Variants in SLC9A9 observed in about 807,000 individuals in gnomAD.
SLC9A9 encodes solute carrier family 9 member A9.
Under a neutral mutation model 77.8 loss-of-function variants are expected in SLC9A9, and 62 were observed. That is an observed-to-expected ratio of 0.80 (90% CI 0.65 to 0.98). SLC9A9 has a LOEUF of 0.98. SLC9A9 is among the 50% of genes least tolerant of loss of function. SLC9A9 has a pLI of 0.00. For synonymous variants in SLC9A9, 320 were observed against 283.5 expected (o/e 1.13, Z -1.29); for missense variants, 775 against 774.9 (o/e 1.00, Z 0.00).
intron 7 of SLC9A9, among the ~76,000 whole-genome samples, chr3:143,577,571 A>AATGAGTCTTAATGTAGAGC (rs2037381696): frequency 6.6e-6 from 1 of 152,074 alleles, no homozygotes; most frequent in Non-Finnish European, 1.5e-5. Context: ...CTCACTTTCT[A>AATGAGTCTTAATGTAGAGC]TCCCAGTCTT....
intron 12 of SLC9A9, among the ~76,000 whole-genome samples, chr3:143,455,295 A>G (rs1185449367): frequency 6.6e-6 from 1 of 152,180 alleles, no homozygotes; most frequent in Admixed American, 6.5e-5. Flanking sequence ...CCCTTTGTCA[A>G]TATCACATTT....
intron 15 of SLC9A9, among the ~76,000 whole-genome samples, chr3:143,268,625 C>T (rs1311624464): frequency 1.4e-5 from 2 of 146,342 alleles, no homozygotes; most frequent in Non-Finnish European, 3.0e-5. Context: ...CCCAGCTACT[C>T]GGGAGGCCGA....
chr3:143,370,053 A>T (rs914169292), intron 13 of SLC9A9, among the ~76,000 whole-genome samples: 1 of 152,262 alleles, frequency 6.6e-6, no homozygotes. Context: ...AAGACCTTGC[A>T]TCAGAAACAC....
intron 4 of SLC9A9, among the ~76,000 whole-genome samples, chr3:143,767,376 A>ATGTGTGTGTGTGTGTGTGTGTG (rs142594079): frequency 7.0e-4 from 99 of 141,376 alleles, no homozygotes; most frequent in African/African-American, 2.3e-3. Context: ...GTGTCTGTGT[A>ATGTGTGTGTGTGTGTGTGTGTG]TGTGTGTGTG....
At chr3:143,511,386 T>G (rs982865979) in intron 9 of SLC9A9, among the ~76,000 whole-genome samples, 3 of 152,210 alleles carry the variant, frequency 2.0e-5, no homozygotes, top group African/African-American at 7.2e-5. Flanking sequence ...CTCTCAGTTA[T>G]GCAGTCCCTC....
chr3:143,835,639 A>C (rs1311486011), intron 1 of SLC9A9, among the ~76,000 whole-genome samples: 1 of 152,244 alleles, frequency 6.6e-6, no homozygotes, highest in African/African-American at 2.4e-5. Flanking sequence ...AATGTTAATG[A>C]GAGTAGGTTG....
At chr3:143,323,107 G>C (rs140926291) in intron 14 of SLC9A9, among the ~76,000 whole-genome samples, 83 of 152,284 alleles carry the variant, frequency 5.5e-4, no homozygotes, top group African/African-American at 1.9e-3. Context: ...GGAGAAACGG[G>C]AACTCTTATA....
intron 12 of SLC9A9, among the ~76,000 whole-genome samples, chr3:143,435,804 C>A (rs1297822492): frequency 6.6e-6 from 1 of 152,094 alleles, no homozygotes; most frequent in African/African-American, 2.4e-5. Flanking sequence ...AGCTTAGTGC[C>A]ACACAGCCTG....
chr3:143,832,288 A>T, intron 1 of SLC9A9, 67 bp from the exon 2 acceptor site: 1 of 1,391,948 alleles, frequency 7.2e-7, no homozygotes, highest in Non-Finnish European at 1.0e-6. Flanking sequence ...TTGGAAACCT[A>T]TATGATTTGG....
intron 12 of SLC9A9, among the ~76,000 whole-genome samples, chr3:143,383,918 C>T (rs13068683): frequency 0.38 from 57,322 of 151,998 alleles, 10,929 homozygotes; most frequent in Non-Finnish European, 0.42. Flanking sequence ...GGTAAAGTCC[C>T]GCCTGTTTAA....
At chr3:143,787,769 C>T (rs959752678) in intron 4 of SLC9A9, among the ~76,000 whole-genome samples, 2 of 151,770 alleles carry the variant, frequency 1.3e-5, no homozygotes, top group African/African-American at 4.8e-5. Flanking sequence ...CCTTAGTGCT[C>T]ATATGTAAGT....
chr3:143,562,427 T>A (rs2037102905), intron 8 of SLC9A9, among the ~76,000 whole-genome samples: 1 of 152,084 alleles, frequency 6.6e-6, no homozygotes, highest in Admixed American at 6.6e-5. Context: ...GCGGGGCATA[T>A]CTGAGAAACA....
At chr3:143,572,028 C>A (rs965357837) in intron 8 of SLC9A9, among the ~76,000 whole-genome samples, 1 of 152,172 alleles carries the variant, frequency 6.6e-6, no homozygotes, top group Non-Finnish European at 1.5e-5. Flanking sequence ...CCCCTCGGTA[C>A]AGCCATGGAC....
chr3:143,423,278 CACACA>C (rs2108529407), intron 12 of SLC9A9, among the ~76,000 whole-genome samples: 1 of 149,880 alleles, frequency 6.7e-6, no homozygotes, highest in Admixed American at 6.6e-5. Flanking sequence ...CACACACACA[CACACA>C]CACACAGAGT....
intron 6 of SLC9A9, among the ~76,000 whole-genome samples, chr3:143,628,823 C>T (rs1314398761): frequency 6.6e-6 from 1 of 151,966 alleles, no homozygotes; most frequent in Non-Finnish European, 1.5e-5. Context: ...GAATCAGGCC[C>T]AAGGAATGTA....
At chr3:143,293,310 C>T (rs529461911) in intron 14 of SLC9A9, among the ~76,000 whole-genome samples, 166 of 152,262 alleles carry the variant, frequency 1.1e-3, no homozygotes, top group African/African-American at 2.7e-3. Flanking sequence ...CAGATACGTG[C>T]GTCTGCATGT....
chr3:143,811,866 G>GA (rs201760210), intron 2 of SLC9A9: 8,190 of 210,264 alleles, frequency 0.039, no homozygotes, highest in South Asian at 0.072. Context: ...TGTCTAAAAA[G>GA]AAAAAAAAAA....
chr3:143,791,052 G>A (rs2008202372), intron 4 of SLC9A9, among the ~76,000 whole-genome samples: 1 of 152,138 alleles, frequency 6.6e-6, no homozygotes, highest in Non-Finnish European at 1.5e-5. Flanking sequence ...TAGAGTCAAA[G>A]ATCAAAGAAT....
intron 5 of SLC9A9, among the ~76,000 whole-genome samples, chr3:143,674,561 G>A (rs2039209967): frequency 6.6e-6 from 1 of 152,042 alleles, no homozygotes; most frequent in Admixed American, 6.6e-5. Flanking sequence ...ACACCTAGCC[G>A]TGATTTTAGG....
Sources: gnomAD v4.1 joint callset for allele counts (sites outside exome capture counted in the v4.1 genomes callset) on GRCh38, gnomAD v4.1.1 for gene constraint, MANE v1.5 for transcripts, NCBI Gene and HGNC (gene_info 2026-07-23, HGNC 2026-07-21) for gene names.